The following NLGN1 variants were observed in gnomAD, a reference collection of about 807,000 sequenced individuals.
NLGN1 encodes neuroligin 1.
Under a neutral mutation model 65.5 loss-of-function variants are expected in NLGN1, and 12 were observed. That is an observed-to-expected ratio of 0.18 (90% CI 0.12 to 0.30). The LOEUF is 0.30. Ranked by LOEUF, NLGN1 falls within the 10% of genes least tolerant of loss-of-function variation. NLGN1 has a pLI of 1.00. For synonymous variants in NLGN1, 350 were observed against 359.5 expected (o/e 0.97, Z 0.30); for missense variants, 750 against 1,007.1 (o/e 0.74, Z 3.46).
intron 4 of NLGN1, among the ~76,000 whole-genome samples, chr3:173,827,747 G>A (rs1220880704): frequency 6.6e-6 from 1 of 151,760 alleles, no homozygotes; most frequent in Non-Finnish European, 1.5e-5. Context: ...CCATCTGCAA[G>A]CTGGAGAACC....
At chr3:173,554,141 TGG>T (rs1741342631) in intron 2 of NLGN1, among the ~76,000 whole-genome samples, 3 of 152,306 alleles carry the variant, frequency 2.0e-5, no homozygotes, top group African/African-American at 7.2e-5. Flanking sequence ...AAAATCTATG[TGG>T]GGAATTATAA....
intron 4 of NLGN1, among the ~76,000 whole-genome samples, chr3:173,988,442 T>C (rs759981013): frequency 1.0e-3 from 156 of 152,196 alleles, no homozygotes; most frequent in Non-Finnish European, 1.6e-3. Context: ...CCTTTGTTAA[T>C]AATCTGATTT....
intron 2 of NLGN1, among the ~76,000 whole-genome samples, chr3:173,502,313 A>G (rs145303679): frequency 4.4e-4 from 67 of 152,246 alleles, no homozygotes; most frequent in Non-Finnish European, 7.8e-4. Context: ...TTTCCAAAGT[A>G]TATAAATAAA....
chr3:173,918,052 G>A (rs1024705615), intron 4 of NLGN1, among the ~76,000 whole-genome samples: 4 of 152,110 alleles, frequency 2.6e-5, no homozygotes, highest in Non-Finnish European at 4.4e-5. Context: ...AATTAAATAA[G>A]ATAATGTATG....
intron 1 of NLGN1, among the ~76,000 whole-genome samples, chr3:173,407,781 G>A (rs887873969): frequency 2.6e-5 from 4 of 152,060 alleles, no homozygotes; most frequent in African/African-American, 9.7e-5. Context: ...ATTGTAGAAA[G>A]CAAAGAAAAA....
intron 4 of NLGN1, among the ~76,000 whole-genome samples, chr3:174,174,871 A>G (rs2152739338): frequency 6.6e-6 from 1 of 151,934 alleles, no homozygotes; most frequent in African/African-American, 2.4e-5. Context: ...TGTTTCAAGA[A>G]ATTTTTCAAT....
At chr3:173,828,331 C>T (rs530409501) in intron 4 of NLGN1, among the ~76,000 whole-genome samples, 5 of 152,100 alleles carry the variant, frequency 3.3e-5, no homozygotes, top group South Asian at 4.1e-4. Flanking sequence ...TGGATTGTTA[C>T]AAACTAGGAG....
At chr3:174,032,930 A>G (rs1730320972) in intron 4 of NLGN1, among the ~76,000 whole-genome samples, 1 of 152,082 alleles carries the variant, frequency 6.6e-6, no homozygotes, top group African/African-American at 2.4e-5. Context: ...TGCTGCAGCC[A>G]GAGAAGACAG....
intron 4 of NLGN1, among the ~76,000 whole-genome samples, chr3:174,100,155 A>T (rs1712074084): frequency 6.6e-6 from 1 of 152,122 alleles, no homozygotes; most frequent in Admixed American, 6.6e-5. Context: ...CGAAACGAAA[A>T]CTCAAAATGT....
At chr3:173,822,295 C>T (rs1011673977) in intron 4 of NLGN1, among the ~76,000 whole-genome samples, 8 of 152,232 alleles carry the variant, frequency 5.3e-5, no homozygotes, top group East Asian at 3.9e-4. Context: ...TATTCAGAGT[C>T]AGCATCCAAG....
At chr3:173,971,218 A>G (rs1055075183) in intron 4 of NLGN1, among the ~76,000 whole-genome samples, 5 of 152,194 alleles carry the variant, frequency 3.3e-5, no homozygotes. Flanking sequence ...AAAGTCAAAG[A>G]AAGATTTCCA....
At chr3:173,911,345 C>T (rs1484920485) in intron 4 of NLGN1, among the ~76,000 whole-genome samples, 4 of 152,102 alleles carry the variant, frequency 2.6e-5, no homozygotes, top group African/African-American at 7.2e-5. Flanking sequence ...TTGTATAGAA[C>T]GGTTTCTAAA....
chr3:173,668,080 G>A (rs1761963362), intron 3 of NLGN1, among the ~76,000 whole-genome samples: 2 of 152,170 alleles, frequency 1.3e-5, no homozygotes, highest in Non-Finnish European at 2.9e-5. Context: ...TCCTTAAGAA[G>A]CTTACAGTCT....
At chr3:173,810,509 T>A (rs1717692909) in intron 4 of NLGN1, among the ~76,000 whole-genome samples, 1 of 152,178 alleles carries the variant, frequency 6.6e-6, no homozygotes, top group South Asian at 2.1e-4. Context: ...ACTGGGTAAT[T>A]ACAAGATCAT....
At chr3:173,594,514 A>G (rs1482736416) in intron 2 of NLGN1, among the ~76,000 whole-genome samples, 1 of 152,170 alleles carries the variant, frequency 6.6e-6, no homozygotes, top group African/African-American at 2.4e-5. Flanking sequence ...AGCTGCTTTC[A>G]TGGACTGGCA....
intron 4 of NLGN1, among the ~76,000 whole-genome samples, chr3:174,024,796 C>T (rs918055371): frequency 6.6e-6 from 1 of 152,146 alleles, no homozygotes; most frequent in Non-Finnish European, 1.5e-5. Flanking sequence ...TATAAAATCG[C>T]CATTGCTCTG....
At chr3:174,236,312 T>C (rs1315864562) in intron 4 of NLGN1, among the ~76,000 whole-genome samples, 1 of 152,076 alleles carries the variant, frequency 6.6e-6, no homozygotes, top group African/African-American at 2.4e-5. Flanking sequence ...CCTATATATA[T>C]TTTTTTCCTA....
intron 4 of NLGN1, among the ~76,000 whole-genome samples, chr3:173,911,621 C>T (rs1042209343): frequency 2.0e-5 from 3 of 152,078 alleles, no homozygotes; most frequent in African/African-American, 4.8e-5. Context: ...AGTGCAGTTG[C>T]GATGGCAACA....
At chr3:173,560,569 G>C (rs1210020633) in intron 2 of NLGN1, among the ~76,000 whole-genome samples, 1 of 151,850 alleles carries the variant, frequency 6.6e-6, no homozygotes, top group African/African-American at 2.4e-5. Flanking sequence ...GTCTATTTTA[G>C]GTTAGCACCA....
Sources: allele counts gnomAD v4.1 joint callset (sites outside exome capture counted in the v4.1 genomes callset), GRCh38; gene constraint gnomAD v4.1.1; transcripts MANE v1.5; gene names NCBI Gene and HGNC (gene_info 2026-07-23, HGNC 2026-07-21).